Variants in DIAPH3 observed in about 807,000 individuals in gnomAD.
The protein encoded by DIAPH3 is protein diaphanous homolog 3.
DIAPH3 carries 117 observed loss-of-function variants against 144.3 expected under a neutral mutation model. That is an observed-to-expected ratio of 0.81 (90% CI 0.70 to 0.95). The LOEUF is 0.95. Ranked by LOEUF, DIAPH3 falls within the 40% of genes least tolerant of loss-of-function variation. DIAPH3 has a pLI of 0.00. For synonymous variants in DIAPH3, 519 were observed against 488.9 expected, an observed-to-expected ratio of 1.06 and a Z score of -0.81; for missense variants, 1,421 against 1,412.7, an observed-to-expected ratio of 1.01 and a Z score of -0.09.
chr13:59,768,897 A>G (rs2037985229), intron 27 of DIAPH3, among the ~76,000 whole-genome samples: 1 of 152,196 alleles, frequency 6.6e-6, no homozygotes, highest in Non-Finnish European at 1.5e-5. Context: ...CTCTCTAAAA[A>G]TGCATAATAC....
intron 27 of DIAPH3, among the ~76,000 whole-genome samples, chr13:59,723,449 T>G (rs1189257386): frequency 1.3e-5 from 2 of 152,004 alleles, no homozygotes; most frequent in African/African-American, 4.8e-5. Flanking sequence ...AAACCTAATT[T>G]AACTATATAT....
At chr13:59,980,602 T>A (rs767574468) in intron 14 of DIAPH3, among the ~76,000 whole-genome samples, 193 bp downstream of exon 14, 2 of 151,438 alleles carry the variant, frequency 1.3e-5, no homozygotes, top group Non-Finnish European at 3.0e-5. Context: ...GAAAGAAGAA[T>A]AGGGAAGGTC....
intron 27 of DIAPH3, among the ~76,000 whole-genome samples, chr13:59,753,082 G>C (rs543885782): frequency 6.6e-6 from 1 of 152,288 alleles, no homozygotes; most frequent in Admixed American, 6.5e-5. Flanking sequence ...TATCTGGATA[G>C]CTCAGATCAT....
chr13:60,010,453 A>G (rs1365352635), intron 8 of DIAPH3, 80 bp downstream of exon 8: 2 of 1,366,132 alleles, frequency 1.5e-6, no homozygotes, highest in Non-Finnish European at 1.0e-6. Flanking sequence ...ATTCTAGCCT[A>G]GAGTAGATAA....
chr13:60,065,972 C>A (rs1278255871), intron 4 of DIAPH3, among the ~76,000 whole-genome samples: 1 of 152,040 alleles, frequency 6.6e-6, no homozygotes, highest in Non-Finnish European at 1.5e-5. Flanking sequence ...ACATTTCCTA[C>A]AAATCATATA....
intron 17 of DIAPH3, among the ~76,000 whole-genome samples, chr13:59,955,146 A>G (rs1172562139): frequency 6.6e-6 from 1 of 151,790 alleles, no homozygotes; most frequent in Non-Finnish European, 1.5e-5. Context: ...GTATTTGTAC[A>G]TATGTATTTT....
chr13:60,136,472 CA>C (rs34487556), intron 1 of DIAPH3, among the ~76,000 whole-genome samples: 10,741 of 81,952 alleles, frequency 0.13, 369 homozygotes, highest in African/African-American at 0.19. Context: ...TTATATTTAC[CA>C]AAAAAAAAAA....
At chr13:60,027,086 C>T (rs1212460338) in intron 5 of DIAPH3, among the ~76,000 whole-genome samples, 1 of 152,176 alleles carries the variant, frequency 6.6e-6, no homozygotes, top group African/African-American at 2.4e-5. Flanking sequence ...ATCACCAATG[C>T]TGAATATAAT....
chr13:60,042,853 T>C (rs749369975), intron 4 of DIAPH3, 33 bp from the exon 5 acceptor site: 1 of 1,609,760 alleles, frequency 6.2e-7, no homozygotes, highest in East Asian at 2.2e-5. Context: ...TTTTGATTAA[T>C]ACTGCATGGA....
At chr13:59,958,499 CT>C in intron 17 of DIAPH3, among the ~76,000 whole-genome samples, 1 of 152,158 alleles carries the variant, frequency 6.6e-6, no homozygotes, top group East Asian at 1.9e-4. Context: ...ACTAGTTTCT[CT>C]TTCAATCTTA....
At chr13:59,776,454 TA>T (rs999199328) in intron 25 of DIAPH3, among the ~76,000 whole-genome samples, 14 of 152,140 alleles carry the variant, frequency 9.2e-5, no homozygotes, top group African/African-American at 3.1e-4. Flanking sequence ...TATTTTTCCT[TA>T]AAAAACTGCA....
intron 27 of DIAPH3, among the ~76,000 whole-genome samples, chr13:59,762,050 A>ACCTTTTT (rs1389648314): frequency 8.4e-6 from 1 of 119,006 alleles, no homozygotes; most frequent in Non-Finnish European, 1.7e-5. Flanking sequence ...AAGCGTCAGC[A>ACCTTTTT]TCTTTTTTTT....
At chr13:59,744,735 C>T (rs893672101) in intron 27 of DIAPH3, among the ~76,000 whole-genome samples, 6 of 152,114 alleles carry the variant, frequency 3.9e-5, no homozygotes, top group African/African-American at 1.4e-4. Context: ...CTTTCTTTGG[C>T]CAGGAGTGGG....
At chr13:59,947,046 C>T (rs2048836489) in intron 17 of DIAPH3, among the ~76,000 whole-genome samples, 1 of 152,186 alleles carries the variant, frequency 6.6e-6, no homozygotes, top group Admixed American at 6.6e-5. Flanking sequence ...TCAGTCTGAA[C>T]ATTCATAGGA....
At chr13:59,957,945 T>G (rs1280802695) in intron 17 of DIAPH3, among the ~76,000 whole-genome samples, 1 of 152,120 alleles carries the variant, frequency 6.6e-6, no homozygotes, top group Non-Finnish European at 1.5e-5. Context: ...ATTGGTTCTC[T>G]AATCAAAAAG....
chr13:59,687,992 A>G (rs1446922052), intron 27 of DIAPH3, among the ~76,000 whole-genome samples: 1 of 152,122 alleles, frequency 6.6e-6, no homozygotes, highest in Non-Finnish European at 1.5e-5. Flanking sequence ...TGAAGCCTTC[A>G]GAGATTAGCA....
chr13:59,842,845 G>A (rs1043099253), intron 22 of DIAPH3, among the ~76,000 whole-genome samples: 1 of 152,062 alleles, frequency 6.6e-6, no homozygotes, highest in Non-Finnish European at 1.5e-5. Flanking sequence ...CGGGGGTGGT[G>A]CACAGTTTCA....
intron 17 of DIAPH3, among the ~76,000 whole-genome samples, chr13:59,958,813 T>A (rs902157134): frequency 2.6e-5 from 4 of 151,270 alleles, no homozygotes; most frequent in African/African-American, 9.7e-5. Flanking sequence ...TTTTTGGCTG[T>A]GGTGACAAAA....
chr13:60,162,908 CT>C (rs974387169), intron 1 of DIAPH3, among the ~76,000 whole-genome samples: 1 of 151,742 alleles, frequency 6.6e-6, no homozygotes, highest in African/African-American at 2.4e-5. Context: ...TTCTGTTGGA[CT>C]CATCCCAAAT....
Sources: gnomAD v4.1 joint callset for allele counts (sites outside exome capture counted in the v4.1 genomes callset) on GRCh38, gnomAD v4.1.1 for gene constraint, MANE v1.5 for transcripts, NCBI Gene and HGNC (gene_info 2026-07-23, HGNC 2026-07-21) for gene names.